Variants in ABR observed in about 807,000 individuals in gnomAD.
ABR encodes the protein ABR activator of RhoGEF and GTPase, also known as active breakpoint cluster region-related protein.
A neutral mutation model predicts 107.2 loss-of-function variants in ABR; 35 were observed. The ratio of observed to expected loss-of-function variants is 0.33; its 90% confidence interval spans 0.25 to 0.43. The LOEUF is 0.43. Ranked by LOEUF, ABR falls within the 20% of genes least tolerant of loss-of-function variation. The probability of loss-of-function intolerance (pLI) is 1.00; values close to 1 mark genes in which losing one functional copy is unlikely to be tolerated. For synonymous variants in ABR, 498 were observed against 462.0 expected, an observed-to-expected ratio of 1.08 and a Z score of -1.00; for missense variants, 815 against 1,115.2, an observed-to-expected ratio of 0.73 and a Z score of 3.83.
chr17:1,167,474 T>A (rs528244443), intron 1 of ABR, among the ~76,000 whole-genome samples: 1 of 152,186 alleles, frequency 6.6e-6, no homozygotes, highest in Admixed American at 6.5e-5. Flanking sequence ...AGAACCACCA[T>A]GGTGAAAGGC....
chr17:1,008,234 C>T (rs2150702556), intron 21 of ABR, among the ~76,000 whole-genome samples: 1 of 152,354 alleles, frequency 6.6e-6, no homozygotes, highest in South Asian at 2.1e-4. Context: ...GGCCCAGGGT[C>T]AGCAAACATA....
At position 1,060,139 on chromosome 17, in the gene ABR, G is replaced by A. The variant is rs575713300; in HGVS notation, c.1183-1272C>T. Among the ~76,000 whole-genome samples the A allele has an allele frequency of 1.4e-3, 218 of 152,306 alleles. 1 individual carries two copies. Among genetic ancestry groups the A allele is most frequent in the African/African-American group, 5.0e-3 (206 of 41,590 alleles). On this transcript the variant is annotated intron_variant, in intron 10 of 22. Transcript: ENST00000302538. ...AAAAGAATCTGATACTGCCAGGCGC[G>A]GTGGCTCACGCCTGTAATCCCAGCA...
intron 5 of ABR, 23 bp from the exon 6 acceptor site, chr17:1,079,413 C>CA (rs750390789): frequency 6.2e-7 from 1 of 1,607,068 alleles, no homozygotes; most frequent in Non-Finnish European, 8.5e-7. Context: ...GGAGAGGAGT[C>CA]ATGGCCTGTT....
intron 16 of ABR, among the ~76,000 whole-genome samples, chr17:1,048,590 G>T (rs573457017): frequency 7.5e-6 from 1 of 133,016 alleles, no homozygotes; most frequent in Admixed American, 8.6e-5. Context: ...GATCACGTCC[G>T]GGGCCACGGT....
intron 16 of ABR, among the ~76,000 whole-genome samples, chr17:1,022,232 C>T (rs2071746713): frequency 6.6e-6 from 1 of 152,164 alleles, no homozygotes; most frequent in African/African-American, 2.4e-5. Flanking sequence ...GGAGGGGCCG[C>T]GGAGCCCAGG....
chr17:1,194,702 G>A (rs1399804374), intron 1 of ABR, among the ~76,000 whole-genome samples: 3 of 124,250 alleles, frequency 2.4e-5, no homozygotes, highest in Non-Finnish European at 3.4e-5. Flanking sequence ...TGCCCAGGCT[G>A]GAGTGCAGTG....
chr17:1,191,354 C>CCT (rs1555617886), upstream of ABR, among the ~76,000 whole-genome samples: 17 of 96,484 alleles, frequency 1.8e-4, no homozygotes, highest in Non-Finnish European at 2.5e-4. Flanking sequence ...TTTTTCTTTT[C>CCT]TTTTTTTTTT....
intron 4 of ABR, among the ~76,000 whole-genome samples, chr17:1,091,255 T>C (rs1466745505): frequency 1.3e-5 from 2 of 152,098 alleles, no homozygotes; most frequent in Non-Finnish European, 1.5e-5. Flanking sequence ...GAAGCCTTCA[T>C]TCCAGGGCTG....
At chr17:1,170,719 A>G (rs1454604497) in intron 1 of ABR, among the ~76,000 whole-genome samples, 2 of 152,112 alleles carry the variant, frequency 1.3e-5, no homozygotes, top group African/African-American at 2.4e-5. Context: ...TACAGGCGTG[A>G]GCCACCGTGC....
At chr17:1,195,163 C>T (rs1202171104) in intron 1 of ABR, among the ~76,000 whole-genome samples, 2 of 148,134 alleles carry the variant, frequency 1.4e-5, no homozygotes, top group Non-Finnish European at 3.0e-5. Context: ...AAAAATTAGC[C>T]GGGCGCAGTG....
rs1030600174 is a variant in ABR, at chr17:1,051,844, T to G, written c.1562-1210A>C. Among the ~76,000 whole-genome samples the G allele has an allele frequency of 6.6e-6, 1 of 151,994 alleles. No homozygotes were observed. Among genetic ancestry groups the G allele is most frequent in the Non-Finnish European group, 1.5e-5 (1 of 67,978 alleles). The stretch of plus-strand genomic sequence containing the variant: ...ATCCCAGCACTTTGGGAGGCCAAGG[T>G]GGGCAGATCACCTGAGGTCAGGAGT... On this transcript the variant is annotated intron_variant, in intron 14 of 22. Coordinates refer to ENST00000302538, the MANE Select transcript of ABR (RefSeq NM_021962.5). The surrounding 1 kb of genome is among the most constrained non-coding windows in gnomAD (Gnocchi z 4.3).
intron 16 of ABR, among the ~76,000 whole-genome samples, chr17:1,015,686 G>A (rs563233698): frequency 5.4e-4 from 82 of 152,036 alleles, no homozygotes; most frequent in Non-Finnish European, 1.1e-3. Flanking sequence ...TCGAACTCCC[G>A]ACCTCAGGTG....
chr17:1,213,011 C>A (rs77650149), intron 1 of ABR, among the ~76,000 whole-genome samples: 35,273 of 152,034 alleles, frequency 0.23, 4,394 homozygotes, highest in African/African-American at 0.3. Flanking sequence ...TGAAATTCCC[C>A]CAACAAATCC....
At chr17:1,174,954 G>A (rs1403460550) in intron 1 of ABR, among the ~76,000 whole-genome samples, 8 of 152,162 alleles carry the variant, frequency 5.3e-5, no homozygotes, top group African/African-American at 1.9e-4. Context: ...GAAAGTGTCA[G>A]AGCACACCTC....
At chr17:1,018,069 G>A (rs2071302347) in intron 16 of ABR, among the ~76,000 whole-genome samples, 1 of 150,492 alleles carries the variant, frequency 6.6e-6, no homozygotes, top group Non-Finnish European at 1.5e-5. Context: ...TTGAGACGGA[G>A]TCTTGCTCTG....
At chr17:1,222,226 G>A (rs1001835300) in intron 1 of ABR, among the ~76,000 whole-genome samples, 4 of 151,980 alleles carry the variant, frequency 2.6e-5, no homozygotes, top group South Asian at 2.1e-4. Context: ...CACTCTGCCC[G>A]GATAATTTTT....
rs1261839207 is a variant in ABR at position 1,037,066 on chromosome 17, T to A, written c.1791+12984A>T. ...ATCCATCCATCCATCCACCCATCCA[T>A]CCACCCACCCACCCATCCTTCCATC... is the stretch of plus-strand genomic sequence containing the variant. On this transcript the variant is annotated intron_variant, in intron 16 of 22. Coordinates refer to ENST00000302538, the MANE Select transcript of ABR (RefSeq NM_021962.5). This position sits in a 1 kb window ranked among gnomAD's most constrained non-coding sequence, Gnocchi z 4.6. Among the ~76,000 whole-genome samples the A allele has an allele frequency of 1.5e-5, 2 of 132,330 alleles. No individual in the cohort carries two copies. Among genetic ancestry groups the A allele is most frequent in the African/African-American group, 6.1e-5 (2 of 33,048 alleles). 86.8% of individuals were successfully genotyped at this position (132,330 alleles called of 152,430 possible).
chr17:1,012,366 C>G (rs757978477), intron 18 of ABR: 1 of 651,312 alleles, frequency 1.5e-6, no homozygotes, highest in South Asian at 1.5e-5. Flanking sequence ...GTGCCCTTTC[C>G]CGAGGGGCCG....
In ABR at chr17:1,004,172, A is replaced by G. The variant is rs1372382692; in HGVS notation, c.*1908T>C. The G allele has an allele frequency of 6.6e-6, 1 of 152,216 alleles. No homozygotes were observed. Among genetic ancestry groups the G allele is most frequent in the Admixed American group, 6.5e-5 (1 of 15,268 alleles). The allele number at this position is 152,216 out of a possible 1,614,324, so 9.4% of individuals were successfully genotyped here. On this transcript the variant is annotated 3_prime_UTR_variant, in exon 23 of 23. Transcript: ENST00000302538. ...TTCTGTGCCACACACCGACACTCGG[A>G]TGCCAGGCAGGGACCTTAGGAAGGG...
Sources: allele counts gnomAD v4.1 joint callset (sites outside exome capture counted in the v4.1 genomes callset), GRCh38; gene constraint gnomAD v4.1.1; non-coding constraint Gnocchi (gnomAD v3.1); transcripts MANE v1.5; gene names NCBI Gene and HGNC (gene_info 2026-07-23, HGNC 2026-07-21).